Variants in KIAA1755 observed in about 807,000 individuals in gnomAD.
KIAA1755 encodes KIAA1755.
Under a neutral mutation model 91.7 loss-of-function variants are expected in KIAA1755, and 68 were observed. That is an observed-to-expected ratio of 0.74 (90% CI 0.61 to 0.91). The LOEUF (loss-of-function observed/expected upper bound fraction) is 0.91, where lower values mean the gene tolerates loss of function less well. Ranked by LOEUF, KIAA1755 falls within the 40% of genes least tolerant of loss-of-function variation. The pLI is 0.00. For synonymous variants in KIAA1755, 610 were observed against 604.6 expected (o/e 1.01, Z -0.13); for missense variants, 1,535 against 1,494.4 (o/e 1.03, Z -0.45).
intron 8 of KIAA1755, among the ~76,000 whole-genome samples, chr20:38,224,278 T>A (rs1034212481): frequency 6.6e-6 from 1 of 152,136 alleles, no homozygotes; most frequent in African/African-American, 2.4e-5. Context: ...AGATTTCATG[T>A]AAAGGAAAGG....
Position 38,260,677 on chromosome 20 carries a change from A to C in KIAA1755, c.-177T>G. ...TCTCGGAGGAGCGGCCGGGGAGGAC[A>C]GGGAGAGAGACTGAGAGAGAGACAG... On this transcript the variant is annotated 5_prime_UTR_variant, in exon 1 of 14. Coordinates refer to ENST00000279024, the MANE Select transcript of KIAA1755 (RefSeq NM_001029864.2). The C allele has an allele frequency of 1.7e-6, 1 of 602,196 alleles. No homozygotes were observed. Among genetic ancestry groups the C allele is most frequent in the African/African-American group, 1.9e-5 (1 of 51,622 alleles). The allele number at this position is 602,196 out of a possible 1,614,324, so 37.3% of individuals were successfully genotyped here.
chr20:38,240,918 C>T lies in KIAA1755; in HGVS notation c.1213G>A (p.Gly405Arg). The T allele has an allele frequency of 3.7e-6, 6 of 1,614,004 alleles. No individual in the cohort carries two copies. Among genetic ancestry groups the T allele is most frequent in the South Asian group, 1.1e-5 (1 of 91,068 alleles). The change falls in exon 3 of 14, where the codon GGA becomes AGA. Residue 405 changes from glycine to arginine, a missense_variant. Physicochemically the swap from Gly to Arg is moderately radical, Grantham distance 125. Coordinates refer to ENST00000279024, the MANE Select transcript of KIAA1755 (RefSeq NM_001029864.2). Reference protein sequence around the residue: ...PAASKMQGPLGNPENMVQLRP... With the variant: ...PAASKMQGPLRNPENMVQLRP... ...AGCTGCACCATATTCTCTGGGTTTC[C>T]TAGAGGTCCCTGCATCTTGGAGGCA... is the stretch of plus-strand genomic sequence containing the variant.
chr20:38,222,302 C>T, intron 10 of KIAA1755, 147 bp downstream of exon 10: 1 of 818,278 alleles, frequency 1.2e-6, no homozygotes, highest in Non-Finnish European at 2.0e-6. Context: ...GACCAGGCGT[C>T]AGCCTGGGAT....
At chr20:38,218,403 G>A (rs1400692181) in intron 11 of KIAA1755, 37 bp from the exon 12 acceptor site, 1 of 1,611,474 alleles carries the variant, frequency 6.2e-7, no homozygotes, top group Non-Finnish European at 8.5e-7. Context: ...ATGAGGGGCT[G>A]CTAGGAGACC....
At chr20:38,236,625 A>C (rs545752612) in intron 4 of KIAA1755, among the ~76,000 whole-genome samples, 1 of 152,228 alleles carries the variant, frequency 6.6e-6, no homozygotes, top group Non-Finnish European at 1.5e-5. Context: ...GGAAGTGGCC[A>C]TCCATGCCAA....
chr20:38,250,829 A>ATC, intron 1 of KIAA1755, among the ~76,000 whole-genome samples: 1 of 151,976 alleles, frequency 6.6e-6, no homozygotes, highest in Admixed American at 6.6e-5. Context: ...ACAGGTGGGG[A>ATC]TATGTGGGGG....
chr20:38,227,703 T>A (rs557292427), intron 6 of KIAA1755, among the ~76,000 whole-genome samples: 1 of 152,226 alleles, frequency 6.6e-6, no homozygotes, highest in Admixed American at 6.5e-5. Context: ...CCACTGTAAC[T>A]GAGACACAAA....
intron 4 of KIAA1755, among the ~76,000 whole-genome samples, chr20:38,235,242 A>G (rs1471453610): frequency 2.0e-5 from 3 of 152,224 alleles, no homozygotes; most frequent in Non-Finnish European, 2.9e-5. Context: ...TGAGGTCTCA[A>G]TCTCAGGGGC....
chr20:38,245,775 C>A (rs1465113002), intron 2 of KIAA1755, among the ~76,000 whole-genome samples, 154 bp downstream of exon 2: 1 of 152,196 alleles, frequency 6.6e-6, no homozygotes, highest in Non-Finnish European at 1.5e-5. Context: ...TGATGTCTCC[C>A]CCTGGGCAAG....
rs370164526 is a variant in KIAA1755, at chr20:38,225,655, C to T, written c.2169+10G>A. The T allele has an allele frequency of 2.8e-5, 43 of 1,557,676 alleles. 1 individual carries two copies. The Middle Eastern group carries it at 6.7e-4, about 24-fold the overall frequency. On this transcript the variant is annotated intron_variant, in intron 8 of 13. Transcript: ENST00000279024. Reference sequence around the variant, plus strand: ...GGGGGTCAGGGGCTAAAGGCTGTGACGGTAAACACCTGGAAGAAATGAACC... The same window carrying T: ...GGGGGTCAGGGGCTAAAGGCTGTGATGGTAAACACCTGGAAGAAATGAACC...
At position 38,231,287 on chromosome 20, in the gene KIAA1755, A is replaced by G; in HGVS notation, c.1786T>C (p.Ser596Pro). Residue 596 changes from serine to proline, a missense_variant, in exon 5 of 14, where the codon TCA becomes CCA. By Grantham distance (74) the Ser-to-Pro change is moderately conservative. Transcript: ENST00000279024. ...DRAGRPLLLV[S>P]TTEGAWEAPW... Reference sequence around the variant, plus strand: ...GCCTCCCAGGCCCCCTCTGTAGTTGACACCAGAAGCAGGGGCCGCCCGGCC... The same window carrying G: ...GCCTCCCAGGCCCCCTCTGTAGTTGGCACCAGAAGCAGGGGCCGCCCGGCC... The G allele has an allele frequency of 6.2e-7, 1 of 1,612,386 alleles. No homozygotes were observed. Among genetic ancestry groups the G allele is most frequent in the Non-Finnish European group, 8.5e-7 (1 of 1,179,644 alleles).
intron 2 of KIAA1755, among the ~76,000 whole-genome samples, chr20:38,245,054 C>T (rs2076132098): frequency 6.6e-6 from 1 of 152,154 alleles, no homozygotes; most frequent in Non-Finnish European, 1.5e-5. Context: ...AACAGCTCCA[C>T]CCTCTGACCA....
At chr20:38,252,629 C>G (rs1205098349) in intron 1 of KIAA1755, among the ~76,000 whole-genome samples, 1 of 152,178 alleles carries the variant, frequency 6.6e-6, no homozygotes, top group Non-Finnish European at 1.5e-5. Context: ...ATCCCAGCTG[C>G]CTGTCCTTCC....
rs756204021 is a variant in KIAA1755 at position 38,239,616 on chromosome 20, G to A, written c.1659C>T (p.Pro553=). ...GCCCTGGGGGCTCCTCCTCCAGGGT[G>A]GGGCCTCTTTCTGGGGAGCCTGCAG... ...EASAGSPERG[P]TLEEEPPGPE... The change falls in exon 4 of 14, where the codon CCC becomes CCT. Residue 553 remains proline (P), a synonymous_variant. Transcript: ENST00000279024. The A allele has an allele frequency of 6.2e-7, 1 of 1,605,862 alleles. No homozygotes were observed. Among genetic ancestry groups the A allele is most frequent in the Non-Finnish European group, 8.5e-7 (1 of 1,177,136 alleles).
At chr20:38,225,559 C>T (rs2075740232) in intron 8 of KIAA1755, 106 bp downstream of exon 8, 14 of 810,124 alleles carry the variant, frequency 1.7e-5, no homozygotes, top group Middle Eastern at 2.3e-4. Context: ...GTTGAGTGAC[C>T]GTTTATTTTT....
chr20:38,260,617 G>A lies in KIAA1755; in HGVS notation c.-117C>T, dbSNP rs2076432469. ...GTCCCGCCTAGCCCTGGAGCCAGGG[G>A]ATAGGGCAGGCCCGGGGCACCGACC... is the stretch of plus-strand genomic sequence containing the variant. On this transcript the variant is annotated 5_prime_UTR_variant, in exon 1 of 14. Transcript: ENST00000279024. 2.2e-6 allele frequency: 3 copies of A among 1,335,774 alleles called. No homozygotes were observed. The highest frequency in any genetic ancestry group is 2.9e-6 in the Non-Finnish European group (3 of 1,019,218). 82.7% of individuals were successfully genotyped at this position (1,335,774 alleles called of 1,614,324 possible).
rs753912139 is a variant in KIAA1755, at chr20:38,231,304, C to G, written c.1769G>C (p.Arg590Pro). The change falls in exon 5 of 14, where the codon CGG (arginine) becomes CCG (proline). Residue 590 changes from arginine (R) to proline (P), a missense_variant. Arg to Pro is a moderately radical substitution (Grantham distance 103). Transcript: ENST00000279024. ...CLPGGRDRAG[R>P]PLLLVSTTEG... ...TGTAGTTGACACCAGAAGCAGGGGC[C>G]GCCCGGCCCTGTCCCGGCCACCTGG... 6.2e-7 allele frequency: 1 copy of G among 1,610,798 alleles called. No homozygotes were observed. Among genetic ancestry groups the G allele is most frequent in the African/African-American group, 1.3e-5 (1 of 74,860 alleles).
In KIAA1755 at chr20:38,213,177, G is replaced by A; in HGVS notation, c.3468C>T (p.Thr1156=). The change falls in exon 14 of 14, where the codon ACC becomes ACT. Residue 1156 remains threonine (T), a synonymous_variant. Transcript: ENST00000279024. The part of the protein sequence containing the change: ...PDPAREHLLA[T]TFFRQQPPRQ... ...TGGGGGGCTGCTGCCGGAAGAAGGTGGTGGCAAGCAAATGCTCGCGGGCAG... is the reference window on the plus strand; with the variant it reads ...TGGGGGGCTGCTGCCGGAAGAAGGTAGTGGCAAGCAAATGCTCGCGGGCAG... 6.2e-7 allele frequency: 1 copy of A among 1,613,816 alleles called. No individual in the cohort carries two copies. The highest frequency in any genetic ancestry group is 1.1e-5 in the South Asian group (1 of 91,086).
At chr20:38,249,709 A>T (rs1380314329) in intron 1 of KIAA1755, among the ~76,000 whole-genome samples, 7 of 141,610 alleles carry the variant, frequency 4.9e-5, no homozygotes. Context: ...ACATGTACCC[A>T]GGAGGTTTTA....
Sources: allele counts gnomAD v4.1 joint callset (sites outside exome capture counted in the v4.1 genomes callset), GRCh38; gene constraint gnomAD v4.1.1; transcripts MANE v1.5; gene names NCBI Gene and HGNC (gene_info 2026-07-23, HGNC 2026-07-21).